The following PIK3C2G variants were observed in gnomAD, a reference collection of about 807,000 sequenced individuals.
The protein encoded by PIK3C2G is phosphatidylinositol-4-phosphate 3-kinase catalytic subunit type 2 gamma.
PIK3C2G carries 168 observed loss-of-function variants against 181.1 expected under a neutral mutation model. The observed-to-expected ratio is 0.93, with a 90% CI of 0.82 to 1.05. PIK3C2G has a LOEUF of 1.05. Among genes scored for constraint, PIK3C2G ranks in the 50% least tolerant of loss-of-function variants. The pLI, the probability that PIK3C2G is intolerant of heterozygous loss-of-function variation, is 0.00. For missense variants in PIK3C2G, 1,869 were observed against 1,732.8 expected, an observed-to-expected ratio of 1.08 and a Z score of -1.40; for synonymous variants, 573 against 592.2, an observed-to-expected ratio of 0.97 and a Z score of 0.47.
chr12:18,338,348 A>T (rs1310193974), intron 8 of PIK3C2G, 78 bp from the exon 9 acceptor site: 2 of 1,143,486 alleles, frequency 1.7e-6, no homozygotes, highest in African/African-American at 3.1e-5. Context: ...CTCATGGAAA[A>T]AGAAGAAGTT....
intron 25 of PIK3C2G, 103 bp downstream of exon 25, chr12:18,538,415 T>G: frequency 1.1e-6 from 1 of 941,604 alleles, no homozygotes; most frequent in East Asian, 2.5e-5. Flanking sequence ...AAGGAGCTAT[T>G]CGGAAGAGAA....
intron 5 of PIK3C2G, among the ~76,000 whole-genome samples, chr12:18,299,992 A>AT (rs1950108569): frequency 6.6e-6 from 1 of 151,770 alleles, no homozygotes; most frequent in Admixed American, 6.6e-5. Flanking sequence ...CTGTAGTGTT[A>AT]TTTTTTGTGG....
At chr12:18,653,591 A>G in the PIK3C2G span, among the ~76,000 whole-genome samples, 1 of 152,178 alleles carries the variant, frequency 6.6e-6, no homozygotes, top group East Asian at 1.9e-4. Context: ...GTATGTGTGC[A>G]TGCTATTTTG....
chr12:18,480,118 G>A (rs1395802199), intron 18 of PIK3C2G, among the ~76,000 whole-genome samples: 1 of 152,076 alleles, frequency 6.6e-6, no homozygotes, highest in Non-Finnish European at 1.5e-5. Flanking sequence ...AAACCAAAAT[G>A]AGCGAAAAGG....
At chr12:18,709,325 T>C in the PIK3C2G span, among the ~76,000 whole-genome samples, 1 of 152,132 alleles carries the variant, frequency 6.6e-6, no homozygotes, top group Non-Finnish European at 1.5e-5. Context: ...AGGTTGACCA[T>C]ATATGCTTAG....
intron 19 of PIK3C2G, among the ~76,000 whole-genome samples, chr12:18,490,384 G>C (rs1261827836): frequency 6.6e-6 from 1 of 152,060 alleles, no homozygotes; most frequent in Non-Finnish European, 1.5e-5. Flanking sequence ...GGCTCAAAAA[G>C]TTTCTTTTTT....
intron 18 of PIK3C2G, among the ~76,000 whole-genome samples, chr12:18,451,708 G>A (rs368453942): frequency 9.9e-5 from 15 of 152,126 alleles, no homozygotes; most frequent in East Asian, 9.6e-4. Context: ...ATTGGCTATG[G>A]GTTTGTCATA....
intron 30 of PIK3C2G, among the ~76,000 whole-genome samples, chr12:18,603,246 A>G (rs1056832985): frequency 7.9e-5 from 12 of 152,202 alleles, no homozygotes; most frequent in African/African-American, 2.9e-4. Flanking sequence ...TCTCAGCAAT[A>G]TAATTGAATA....
chr12:18,701,700 TCA>T, the PIK3C2G span: 1 of 1,612,956 alleles, frequency 6.2e-7, no homozygotes, highest in Non-Finnish European at 8.5e-7. Flanking sequence ...ACCACGCTTA[TCA>T]GAACCTTTTC....
chr12:18,268,200 A>G (rs1948590246), intron 1 of PIK3C2G, among the ~76,000 whole-genome samples: 1 of 152,130 alleles, frequency 6.6e-6, no homozygotes, highest in African/African-American at 2.4e-5. Flanking sequence ...TTTGACTTAC[A>G]TATGATAAAA....
At chr12:18,466,448 A>G (rs1937892435) in intron 18 of PIK3C2G, among the ~76,000 whole-genome samples, 1 of 151,908 alleles carries the variant, frequency 6.6e-6, no homozygotes, top group Non-Finnish European at 1.5e-5. Context: ...ACTTTGTATT[A>G]AAGTATTGAT....
At chr12:18,278,012 GC>G (rs1949055975) in intron 1 of PIK3C2G, among the ~76,000 whole-genome samples, 2 of 152,160 alleles carry the variant, frequency 1.3e-5, no homozygotes, top group South Asian at 2.1e-4. Context: ...ATAATAGAGA[GC>G]TTTTTTGTGT....
At chr12:18,478,472 A>G (rs1939224162) in intron 18 of PIK3C2G, among the ~76,000 whole-genome samples, 1 of 152,038 alleles carries the variant, frequency 6.6e-6, no homozygotes, top group African/African-American at 2.4e-5. Context: ...TACTCCCCCA[A>G]TGCCACCCAC....
intron 14 of PIK3C2G, among the ~76,000 whole-genome samples, chr12:18,389,521 C>A (rs1943404058): frequency 6.6e-6 from 1 of 152,070 alleles, no homozygotes; most frequent in Non-Finnish European, 1.5e-5. Flanking sequence ...AATGTGTGCG[C>A]CTTTTCTCCT....
rs183956272 is a variant in PIK3C2G at position 18,320,962 on chromosome 12, C to T, written c.1138C>T (p.His380Tyr). Residue 380 changes from histidine (H) to tyrosine (Y), a missense_variant and splice_region_variant, in exon 7 of 33, where the codon CAT (histidine) becomes TAT (tyrosine). Transcript: ENST00000538779. ...REAPGKLSRK[H>Y]EEDHSQFYLN... ...TATTAATATATTCTGCTGTCTACAGCATGAAGAGGACCACAGTCAGTTTTA... is the reference window on the plus strand; with the variant it reads ...TATTAATATATTCTGCTGTCTACAGTATGAAGAGGACCACAGTCAGTTTTA... 8.4e-6 allele frequency: 13 copies of T among 1,542,076 alleles called. No individual in the cohort carries two copies. In the East Asian group the frequency reaches 2.9e-4, roughly 35 times the overall value.
chr12:18,700,004 A>T, the PIK3C2G span: 36 of 1,501,242 alleles, frequency 2.4e-5, no homozygotes, highest in Non-Finnish European at 3.3e-5. Context: ...TGGGAAAAAA[A>T]ATTTTTTCTA....
chr12:18,405,155 G>A (rs540483884), intron 16 of PIK3C2G, among the ~76,000 whole-genome samples: 2 of 152,258 alleles, frequency 1.3e-5, no homozygotes, highest in African/African-American at 4.8e-5. Flanking sequence ...TTCTATTCTG[G>A]ATATGTCACA....
chr12:18,288,614 G>A (rs1023613004), intron 3 of PIK3C2G, among the ~76,000 whole-genome samples: 3 of 152,080 alleles, frequency 2.0e-5, no homozygotes, highest in Admixed American at 2.0e-4. Flanking sequence ...TATTCTTTCA[G>A]GAATAAGCTA....
chr12:18,372,925 T>G (rs567947760), intron 13 of PIK3C2G, among the ~76,000 whole-genome samples: 1 of 152,282 alleles, frequency 6.6e-6, no homozygotes, highest in African/African-American at 2.4e-5. Context: ...AGGTGTTATT[T>G]TTTAAGGGGA....
Sources: allele counts gnomAD v4.1 joint callset (sites outside exome capture counted in the v4.1 genomes callset), GRCh38; gene constraint gnomAD v4.1.1; transcripts MANE v1.5; gene names NCBI Gene and HGNC (gene_info 2026-07-23, HGNC 2026-07-21).